Variants in SHPK observed in about 807,000 individuals in gnomAD.
SHPK encodes the protein carbohydrate kinase-like protein.
SHPK carries 51 observed loss-of-function variants against 46.3 expected under a neutral mutation model. The observed-to-expected ratio is 1.10, with a 90% CI of 0.88 to 1.39. The LOEUF (loss-of-function observed/expected upper bound fraction) is 1.39. Among genes scored for constraint, SHPK ranks in the 40% most tolerant of loss-of-function variants. The pLI is 0.00. For missense variants in SHPK, 668 were observed against 641.3 expected (o/e 1.04, Z -0.45); for synonymous variants, 290 against 273.9 (o/e 1.06, Z -0.58).
chr17:3,614,228 G>T (rs1243479578), intron 6 of SHPK, among the ~76,000 whole-genome samples: 1 of 152,184 alleles, frequency 6.6e-6, no homozygotes, highest in East Asian at 1.9e-4. Context: ...GCTTCTTTAA[G>T]AAATGCCTAC....
chr17:3,635,326 C>T (rs940407832), intron 1 of SHPK, among the ~76,000 whole-genome samples: 3 of 151,982 alleles, frequency 2.0e-5, no homozygotes, highest in Non-Finnish European at 4.4e-5. Context: ...AGCTCCGCCT[C>T]CCGGGTTCGC....
chr17:3,629,070 C>G (rs539418375), intron 2 of SHPK, among the ~76,000 whole-genome samples: 17 of 152,286 alleles, frequency 1.1e-4, no homozygotes, highest in African/African-American at 4.1e-4. Flanking sequence ...CCTTGCAGCT[C>G]TGGTCCTCCA....
At chr17:3,630,067 G>A (rs760313087) in intron 2 of SHPK, 138 bp downstream of exon 2, 8 of 1,062,302 alleles carry the variant, frequency 7.5e-6, no homozygotes, top group Admixed American at 3.7e-5. Context: ...GAGGCAGCAC[G>A]TATTCGTCCA....
intron 6 of SHPK, among the ~76,000 whole-genome samples, chr17:3,613,228 T>C (rs1412436647): frequency 6.6e-6 from 1 of 152,206 alleles, no homozygotes; most frequent in Non-Finnish European, 1.5e-5. Flanking sequence ...CCTGAGGAAC[T>C]TTTATAAAAC....
At chr17:3,632,206 C>T (rs2075477030) in intron 1 of SHPK, among the ~76,000 whole-genome samples, 1 of 152,164 alleles carries the variant, frequency 6.6e-6, no homozygotes, top group African/African-American at 2.4e-5. Flanking sequence ...TCGCCCGCCT[C>T]GGCCTCCCAA....
At chr17:3,627,815 A>C (rs2075446656) in intron 2 of SHPK, among the ~76,000 whole-genome samples, 1 of 151,716 alleles carries the variant, frequency 6.6e-6, no homozygotes, top group South Asian at 2.1e-4. Context: ...TTTTAGTATT[A>C]AAAGGACATT....
In SHPK at chr17:3,633,152, T is replaced by A. The variant is rs370056624; in HGVS notation, c.169-2806A>T. ...CATCACCACGCCCGGCTAATTTTTG[T>A]TATTTTGTAGTAGAGACAGGGTTTC... On this transcript the variant is annotated intron_variant, in intron 1 of 6. Transcript: ENST00000225519. 1.7e-4 allele frequency among the ~76,000 whole-genome samples: 26 copies of A among 151,096 alleles called. No individual in the cohort carries two copies. The East Asian group carries it at 3.9e-3, about 23-fold the overall frequency.
Position 3,630,176 on chromosome 17 carries a change from GCCTGAGAGCAT to G in SHPK, c.310+18_310+28del. ...CTAGTTCTGGAAGTGACTGCTACCA[GCCTGAGAGCAT>G]CCCCGAGCCCAGCATACCTTGGCCT... On this transcript the variant is annotated intron_variant, in intron 2 of 6. Transcript: ENST00000225519. 6.2e-7 allele frequency: 1 copy of G among 1,613,608 alleles called. No individual in the cohort carries two copies. The highest frequency in any genetic ancestry group is 1.1e-5 in the South Asian group (1 of 91,052).
At chr17:3,632,622 AC>A (rs1280898494) in intron 1 of SHPK, among the ~76,000 whole-genome samples, 1 of 151,840 alleles carries the variant, frequency 6.6e-6, no homozygotes, top group Non-Finnish European at 1.5e-5. Context: ...TCTTGGACAG[AC>A]CCCCAGTGTA....
At position 3,621,289 on chromosome 17, in the gene SHPK, C is replaced by G. The variant is rs1318130503; in HGVS notation, c.771G>C (p.Leu257Phe). 1.2e-6 allele frequency: 2 copies of G among 1,613,988 alleles called. No individual in the cohort carries two copies. Among genetic ancestry groups the G allele is most frequent in the African/African-American group, 2.7e-5 (2 of 74,918 alleles). Residue 257 changes from leucine to phenylalanine, a missense_variant, in exon 5 of 7, where the codon TTG becomes TTC. Leu to Phe is a conservative substitution (Grantham distance 22). Transcript: ENST00000225519. Reference sequence around the variant, plus strand: ...AATAGACAGAGGCCTGTAAATCACCCAAGGCCACTCCCACCTGCGTCCCCT... The same window carrying G: ...AATAGACAGAGGCCTGTAAATCACCGAAGGCCACTCCCACCTGCGTCCCCT... ...IPKGTQVGVA[L>F]GDLQASVYSC...
intron 4 of SHPK, among the ~76,000 whole-genome samples, chr17:3,621,862 A>C (rs1303777068): frequency 1.3e-5 from 2 of 151,568 alleles, no homozygotes; most frequent in African/African-American, 4.9e-5. Flanking sequence ...CATCTTGGCC[A>C]GGCTGGTCTC....
chr17:3,619,191 T>C lies in SHPK; in HGVS notation c.823+2046A>G, dbSNP rs549704749. 183 of 451,962 alleles carry C rather than the reference T, an allele frequency of 4.0e-4. 5 individuals are homozygous for C. The highest frequency in any genetic ancestry group is 4.0e-3 in the South Asian group (174 of 43,146). The allele number at this position is 451,962 out of a possible 1,614,324, so 28.0% of individuals were successfully genotyped here. A position where few individuals can be genotyped will look rare whatever the true frequency, so the allele number is the denominator to read the frequency against. On this transcript the variant is annotated intron_variant, in intron 5 of 6. Coordinates refer to ENST00000225519, the MANE Select transcript of SHPK (RefSeq NM_013276.4). ...GAACAACTCAATTTGTTCACGTAAA[T>C]TGCCTTCAGCCTACGTTGCAGCTAA...
rs1468112235 is a variant in SHPK, at chr17:3,616,696, T to G, written c.824-1159A>C. Among the ~76,000 whole-genome samples the G allele has an allele frequency of 3.3e-5, 5 of 152,354 alleles. No homozygotes were observed. The East Asian group carries it at 9.6e-4, about 29-fold the overall frequency. On this transcript the variant is annotated intron_variant, in intron 5 of 6. Coordinates refer to ENST00000225519, the MANE Select transcript of SHPK (RefSeq NM_013276.4). ...GGTTTCATTCATTGGCAGTGAATAC[T>G]ACTCTTGCTCATTTCCAAAGTATTC...
intron 1 of SHPK, among the ~76,000 whole-genome samples, chr17:3,634,770 A>G (rs943976203): frequency 2.0e-5 from 3 of 152,190 alleles, no homozygotes; most frequent in East Asian, 1.9e-4. Context: ...GAAAGCTTCT[A>G]TGTAGATACA....
chr17:3,616,377 C>G (rs1376871132), intron 5 of SHPK, among the ~76,000 whole-genome samples: 1 of 152,164 alleles, frequency 6.6e-6, no homozygotes, highest in African/African-American at 2.4e-5. Flanking sequence ...TGTGGAGAAC[C>G]TCACGTGCCA....
chr17:3,620,382 T>G (rs1255208532), intron 5 of SHPK, among the ~76,000 whole-genome samples: 2 of 151,638 alleles, frequency 1.3e-5, no homozygotes, highest in Admixed American at 1.3e-4. Flanking sequence ...TGCCTCAGCC[T>G]CCCAAGTAGC....
At position 3,615,433 on chromosome 17, in the gene SHPK, A is replaced by T; in HGVS notation, c.928T>A (p.Phe310Ile). 6.2e-7 allele frequency: 1 copy of T among 1,614,174 alleles called. No individual in the cohort carries two copies. Among genetic ancestry groups the T allele is most frequent in the South Asian group, 1.1e-5 (1 of 91,088 alleles). ...GCCACCCCCAGGTAGGTCCTGTTGA[A>T]GTATGGGAAGTAGGCGACTGGGGCC... ...PTAPVAYFPYFNRTYLGVAAS... is the reference protein window; with the variant it reads ...PTAPVAYFPYINRTYLGVAAS... The change falls in exon 6 of 7, where the codon TTC becomes ATC. Residue 310 changes from phenylalanine (F) to isoleucine (I), a missense_variant. Phe to Ile is a conservative substitution (Grantham distance 21). Coordinates refer to ENST00000225519, the MANE Select transcript of SHPK (RefSeq NM_013276.4).
chr17:3,629,728 T>TAA (rs59844560), intron 2 of SHPK, among the ~76,000 whole-genome samples: 88 of 121,654 alleles, frequency 7.2e-4, no homozygotes, highest in South Asian at 3.3e-3. Flanking sequence ...AACTCCACCT[T>TAA]AAAAAAAAAA....
chr17:3,626,770 G>C (rs2075440896), intron 2 of SHPK, among the ~76,000 whole-genome samples: 1 of 149,806 alleles, frequency 6.7e-6, no homozygotes. Context: ...GGTGCCTGTA[G>C]TAACAGTTAC....
Sources: gnomAD v4.1 joint callset for allele counts (sites outside exome capture counted in the v4.1 genomes callset) on GRCh38, gnomAD v4.1.1 for gene constraint, MANE v1.5 for transcripts, NCBI Gene and HGNC (gene_info 2026-07-23, HGNC 2026-07-21) for gene names.